MOB3B: variants seen among roughly 807,000 people sequenced by gnomAD.
MOB3B encodes the protein MOB kinase activator-like 2B.
A neutral mutation model predicts 18.7 loss-of-function variants in MOB3B; 7 were observed. That is an observed-to-expected ratio of 0.37 (90% confidence interval 0.21 to 0.70). The LOEUF is 0.70. MOB3B is among the 30% of genes least tolerant of loss of function. The pLI is 0.52. For synonymous variants in MOB3B, 111 were observed against 99.9 expected, an observed-to-expected ratio of 1.11 and a Z score of -0.66; for missense variants, 253 against 281.3, an observed-to-expected ratio of 0.90 and a Z score of 0.72.
chr9:27,341,808 G>A (rs1200292080), intron 3 of MOB3B, among the ~76,000 whole-genome samples: 1 of 152,170 alleles, frequency 6.6e-6, no homozygotes, highest in Non-Finnish European at 1.5e-5. Context: ...ATACTTGGCA[G>A]AGCGAGAATT....
chr9:27,454,743 A>G (rs1822842884), intron 2 of MOB3B, among the ~76,000 whole-genome samples: 1 of 152,236 alleles, frequency 6.6e-6, no homozygotes, highest in Admixed American at 6.5e-5. Flanking sequence ...TCACACTGGA[A>G]TTTCTTAATC....
intron 1 of MOB3B, among the ~76,000 whole-genome samples, chr9:27,500,882 G>T (rs1819980524): frequency 6.6e-6 from 1 of 151,834 alleles, no homozygotes; most frequent in South Asian, 2.1e-4. Context: ...AATCTACAAA[G>T]AACTTAAACA....
intron 1 of MOB3B, among the ~76,000 whole-genome samples, chr9:27,466,512 C>T (rs1819384841): frequency 6.6e-6 from 1 of 152,182 alleles, no homozygotes; most frequent in African/African-American, 2.4e-5. Context: ...GGTATCTTTT[C>T]AGCAACGCCT....
At chr9:27,342,821 T>A (rs935274868) in intron 3 of MOB3B, among the ~76,000 whole-genome samples, 2 of 151,338 alleles carry the variant, frequency 1.3e-5, no homozygotes, top group African/African-American at 2.4e-5. Context: ...CGCTACAACC[T>A]CCACCTCCCA....
chr9:27,440,583 C>G (rs1822579092), intron 2 of MOB3B, among the ~76,000 whole-genome samples: 1 of 152,144 alleles, frequency 6.6e-6, no homozygotes, highest in Admixed American at 6.5e-5. Context: ...GTCCACCACT[C>G]TCTAATGTAT....
chr9:27,340,763 C>T (rs1362137065), intron 3 of MOB3B, among the ~76,000 whole-genome samples: 2 of 152,192 alleles, frequency 1.3e-5, no homozygotes, highest in African/African-American at 4.8e-5. Flanking sequence ...CTGCTCAAAG[C>T]GACACTGAGA....
chr9:27,453,488 C>T (rs1822824061), intron 2 of MOB3B, among the ~76,000 whole-genome samples: 1 of 152,090 alleles, frequency 6.6e-6, no homozygotes, highest in Non-Finnish European at 1.5e-5. Context: ...ATAGAGGCAT[C>T]CATAGAGGCA....
intron 1 of MOB3B, among the ~76,000 whole-genome samples, chr9:27,519,604 A>G (rs1395240056): frequency 1.3e-5 from 2 of 152,220 alleles, no homozygotes; most frequent in Non-Finnish European, 2.9e-5. Context: ...AGAGAAAGGT[A>G]TCAAACAGGA....
chr9:27,467,817 A>G (rs1277213453), intron 1 of MOB3B, among the ~76,000 whole-genome samples: 1 of 152,226 alleles, frequency 6.6e-6, no homozygotes, highest in East Asian at 1.9e-4. Flanking sequence ...GCTACATGGG[A>G]AAGGGTGGGC....
chr9:27,487,308 G>A (rs1431648655), intron 1 of MOB3B, among the ~76,000 whole-genome samples: 1 of 152,048 alleles, frequency 6.6e-6, no homozygotes, highest in African/African-American at 2.4e-5. Flanking sequence ...TGTGTTTCCT[G>A]ACTAGCATAG....
intron 3 of MOB3B, 57 bp from the exon 4 acceptor site, chr9:27,330,673 G>A: frequency 6.2e-7 from 1 of 1,610,422 alleles, no homozygotes; most frequent in Non-Finnish European, 8.5e-7. Flanking sequence ...GCAACGATTT[G>A]GTGAAGGATC....
intron 2 of MOB3B, among the ~76,000 whole-genome samples, chr9:27,408,737 C>T (rs1402126914): frequency 6.6e-6 from 1 of 152,078 alleles, no homozygotes; most frequent in African/African-American, 2.4e-5. Flanking sequence ...GCCTCTGGCC[C>T]CCCAGCGTTA....
intron 1 of MOB3B, among the ~76,000 whole-genome samples, chr9:27,512,832 T>C (rs373370132): frequency 1.3e-5 from 2 of 152,212 alleles, no homozygotes; most frequent in Non-Finnish European, 2.9e-5. Flanking sequence ...TAGTTATCCA[T>C]GGTTTAAATC....
At chr9:27,367,733 CA>C (rs925950508) in intron 2 of MOB3B, among the ~76,000 whole-genome samples, 14 of 152,130 alleles carry the variant, frequency 9.2e-5, no homozygotes, top group Non-Finnish European at 1.6e-4. Flanking sequence ...GGCAGGAGGG[CA>C]AATGAAACAG....
At chr9:27,375,235 T>C (rs1821473659) in intron 2 of MOB3B, among the ~76,000 whole-genome samples, 1 of 152,344 alleles carries the variant, frequency 6.6e-6, no homozygotes, top group East Asian at 1.9e-4. Context: ...GCTTCTTTGT[T>C]CTCCCAGCCC....
chr9:27,417,992 T>A (rs1161260943), intron 2 of MOB3B, among the ~76,000 whole-genome samples: 1 of 144,770 alleles, frequency 6.9e-6, no homozygotes, highest in African/African-American at 2.6e-5. Context: ...CTTGGGAGGC[T>A]GAGGCAGGAG....
chr9:27,463,829 G>A (rs186688080), intron 1 of MOB3B, among the ~76,000 whole-genome samples: 41 of 152,032 alleles, frequency 2.7e-4, no homozygotes, highest in Admixed American at 2.0e-4. Context: ...AGTGGGACAC[G>A]CCTGTAGTCC....
chr9:27,441,829 C>T (rs1365715860), intron 2 of MOB3B, among the ~76,000 whole-genome samples: 1 of 151,860 alleles, frequency 6.6e-6, no homozygotes, highest in Non-Finnish European at 1.5e-5. Context: ...ACTCCCTCCC[C>T]ACCCCAGCAG....
chr9:27,435,404 T>C (rs752624775), intron 2 of MOB3B, among the ~76,000 whole-genome samples: 3 of 152,120 alleles, frequency 2.0e-5, no homozygotes, highest in Non-Finnish European at 4.4e-5. Context: ...GGAAGTTCCA[T>C]TTAAGAGCTA....
Sources: allele counts gnomAD v4.1 joint callset (sites outside exome capture counted in the v4.1 genomes callset), GRCh38; gene constraint gnomAD v4.1.1; transcripts MANE v1.5; gene names NCBI Gene and HGNC (gene_info 2026-07-23, HGNC 2026-07-21).